Variants in ZMYND10 observed in about 807,000 individuals in gnomAD.
ZMYND10 encodes zinc finger MYND-type containing 10.
In ZMYND10, 52 loss-of-function variants were observed where a neutral mutation model predicts 62.6. The ratio of observed to expected loss-of-function variants is 0.83; its 90% CI spans 0.67 to 1.05. ZMYND10 has a LOEUF of 1.05. Ranked by LOEUF, ZMYND10 falls within the 50% of genes least tolerant of loss-of-function variation. ZMYND10 has a pLI of 0.00. For synonymous variants in ZMYND10, 197 were observed against 218.5 expected, an observed-to-expected ratio of 0.90 and a Z score of 0.87; for missense variants, 438 against 543.3, an observed-to-expected ratio of 0.81 and a Z score of 1.93.
At position 50,341,336 on chromosome 3, in the gene ZMYND10, G is replaced by A; in HGVS notation, c.*74C>T. ...GGGGCTCCGGCAGAGGCTGGACCGT[G>A]ATCTTGAGGTTCAGGGGTGCATTCT... is the stretch of plus-strand genomic sequence containing the variant. On this transcript the variant is annotated 3_prime_UTR_variant, in exon 12 of 12. Coordinates refer to ENST00000231749, the MANE Select transcript of ZMYND10 (RefSeq NM_015896.4). 1 of 1,571,674 alleles carries A rather than the reference G, an allele frequency of 6.4e-7. No homozygotes were observed. The highest frequency in any genetic ancestry group is 8.7e-7 in the Non-Finnish European group (1 of 1,149,556).
In ZMYND10 at chr3:50,341,843, G is replaced by A. The variant is rs989697941; in HGVS notation, c.1088C>T (p.Pro363Leu). Reference sequence around the variant, plus strand: ...CTGCAGCCGCAGGTCCTGCTCTGAGGGGCTGAACACATGCTGGAGCTGGTG... The same window carrying A: ...CTGCAGCCGCAGGTCCTGCTCTGAGAGGCTGAACACATGCTGGAGCTGGTG... ...AKHQLQHVFSPSEQDLRLQAR... is the reference protein window; with the variant it reads ...AKHQLQHVFSLSEQDLRLQAR... The change falls in exon 10 of 12, where the codon CCC (proline) becomes CTC (leucine). Residue 363 changes from proline (P) to leucine (L), a missense_variant. Coordinates refer to ENST00000231749, the MANE Select transcript of ZMYND10 (RefSeq NM_015896.4). 5.0e-6 allele frequency: 8 copies of A among 1,614,124 alleles called. No individual in the cohort carries two copies. Among genetic ancestry groups the A allele is most frequent in the Non-Finnish European group, 6.8e-6 (8 of 1,180,048 alleles).
chr3:50,344,073 G>C, intron 2 of ZMYND10: 1 of 550,346 alleles, frequency 1.8e-6, no homozygotes, highest in South Asian at 2.0e-5. Context: ...TATGTGACTG[G>C]CTCCTGCCCA....
Position 50,341,852 on chromosome 3 carries a change from AC to A in ZMYND10, c.1078del (p.Val360CysfsTer25), listed in dbSNP as rs1208492645. The A allele has an allele frequency of 6.2e-7, 1 of 1,613,978 alleles. No individual in the cohort carries two copies. The highest frequency in any genetic ancestry group is 1.3e-5 in the African/African-American group (1 of 74,938). On this transcript the variant is annotated frameshift_variant, in exon 10 of 12. Coordinates refer to ENST00000231749, the MANE Select transcript of ZMYND10 (RefSeq NM_015896.4). LOFTEE classifies it high-confidence loss of function. ...QAIAKHQLQH[V>X]FSPSEQDLRL... The stretch of plus-strand genomic sequence containing the variant: ...CAGGTCCTGCTCTGAGGGGCTGAAC[AC>A]ATGCTGGAGCTGGTGCTTGGCAATT...
Position 50,341,219 on chromosome 3 carries a change from G to T in ZMYND10, c.*191C>A. ...AACACACTTGGCCTACCCACTGGGTGGGGCAGGAAGTCTCGAGCCTTCACT... is the reference window on the plus strand; with the variant it reads ...AACACACTTGGCCTACCCACTGGGTTGGGCAGGAAGTCTCGAGCCTTCACT... On this transcript the variant is annotated 3_prime_UTR_variant, in exon 12 of 12. Coordinates refer to ENST00000231749, the MANE Select transcript of ZMYND10 (RefSeq NM_015896.4). 1 of 721,342 alleles carries T rather than the reference G, an allele frequency of 1.4e-6. No homozygotes were observed. Among genetic ancestry groups the T allele is most frequent in the Non-Finnish European group, 2.3e-6 (1 of 442,842 alleles). 44.7% of individuals were successfully genotyped at this position (721,342 alleles called of 1,614,324 possible).
chr3:50,343,011 G>C lies in ZMYND10; in HGVS notation c.607C>G (p.Leu203Val). 1 of 1,614,162 alleles carries C rather than the reference G, an allele frequency of 6.2e-7. No individual in the cohort carries two copies. Among genetic ancestry groups the C allele is most frequent in the Non-Finnish European group, 8.5e-7 (1 of 1,179,986 alleles). ...YITDCVDSLSLSTLSRMLSTH... is the reference protein window; with the variant it reads ...YITDCVDSLSVSTLSRMLSTH... ...CTAAGCATACGGCTCAAGGTGCTGA[G>C]AGAGAGGCTAGGGGCAGGGACGTTG... Residue 203 changes from leucine to valine, a missense_variant, in exon 7 of 12, where the codon CTC becomes GTC. Leu to Val is a conservative substitution (Grantham distance 32, BLOSUM62 1). Coordinates refer to ENST00000231749, the MANE Select transcript of ZMYND10 (RefSeq NM_015896.4).
chr3:50,341,777 C>T, intron 10 of ZMYND10, 33 bp downstream of exon 10: 1 of 1,612,166 alleles, frequency 6.2e-7, no homozygotes, highest in Non-Finnish European at 8.5e-7. Flanking sequence ...CCTGCATCCC[C>T]TCCACCCTCC....
rs746568217 is a variant in ZMYND10, at chr3:50,342,443, T to C, written c.827A>G (p.Gln276Arg). The C allele has an allele frequency of 2.5e-6, 4 of 1,609,796 alleles. No homozygotes were observed. The South Asian group carries it at 4.4e-5, about 18-fold the overall frequency. The change falls in exon 8 of 12, where the codon CAG (glutamine) becomes CGG (arginine). Residue 276 changes from glutamine (Q) to arginine (R), a missense_variant. Gln to Arg is a conservative substitution (Grantham distance 43). Coordinates refer to ENST00000231749, the MANE Select transcript of ZMYND10 (RefSeq NM_015896.4). ...AAAACTTGTGAGGCAGTAGCGCGCCTGAGCCTCAGGGCTTAGCAGCAGGTT... is the reference window on the plus strand; with the variant it reads ...AAAACTTGTGAGGCAGTAGCGCGCCCGAGCCTCAGGGCTTAGCAGCAGGTT... ...LYNLLLSPEA[Q>R]ARYCLTSFAK...
In ZMYND10 at chr3:50,343,678, C is replaced by G; in HGVS notation, c.318+56G>C. The G allele has an allele frequency of 1.9e-6, 3 of 1,613,460 alleles. No individual in the cohort carries two copies. In the South Asian group the frequency reaches 3.3e-5, roughly 18 times the overall value. On this transcript the variant is annotated intron_variant, in intron 3 of 11. Transcript: ENST00000231749. ...GATAGGGGCTACCAGCTCTCCTCCC[C>G]GGTCCAGAGCCCTCTGAAGGAGTGA...
In ZMYND10 at chr3:50,343,598, T is replaced by C. The variant is rs1414454459; in HGVS notation, c.337A>G (p.Ile113Val). ...IYMVVHHEASIINLLETVFFH... is the reference protein window; with the variant it reads ...IYMVVHHEASVINLLETVFFH... ...AACACTGTCTCCAAGAGGTTGATGATGGAGGCCTCGTGGTGCACCTGTCAG... is the reference window on the plus strand; with the variant it reads ...AACACTGTCTCCAAGAGGTTGATGACGGAGGCCTCGTGGTGCACCTGTCAG... The change falls in exon 4 of 12, where the codon ATC becomes GTC. Residue 113 changes from isoleucine to valine, a missense_variant. Physicochemically the swap from Ile to Val is conservative, Grantham distance 29. Coordinates refer to ENST00000231749, the MANE Select transcript of ZMYND10 (RefSeq NM_015896.4). The C allele has an allele frequency of 1.2e-6, 2 of 1,614,128 alleles. No individual in the cohort carries two copies. Among genetic ancestry groups the C allele is most frequent in the Non-Finnish European group, 8.5e-7 (1 of 1,180,012 alleles).
rs1357341190 is a variant in ZMYND10, at chr3:50,345,653, C to T, written c.-74G>A. 1 of 1,525,578 alleles carries T rather than the reference C, an allele frequency of 6.6e-7. No homozygotes were observed. The highest frequency in any genetic ancestry group is 1.4e-5 in the African/African-American group (1 of 72,938). The allele number at this position is 1,525,578 out of a possible 1,614,324, so 94.5% of individuals were successfully genotyped here. On this transcript the variant is annotated 5_prime_UTR_variant, in exon 1 of 12. Coordinates refer to ENST00000231749, the MANE Select transcript of ZMYND10 (RefSeq NM_015896.4). The surrounding 1 kb of genome is among the most constrained non-coding windows in gnomAD (Gnocchi z 5.0). ...GCTGTCACATTCGGGGACGACGGAC[C>T]CCGACGGTGCCAAAGTCTGGGACAG... is the stretch of plus-strand genomic sequence containing the variant.
chr3:50,345,197 T>C lies in ZMYND10; in HGVS notation c.128A>G (p.Asn43Ser). The C allele has an allele frequency of 1.2e-6, 2 of 1,614,002 alleles. No homozygotes were observed. Among genetic ancestry groups the C allele is most frequent in the Non-Finnish European group, 1.7e-6 (2 of 1,179,974 alleles). ...NQQHENLEKL[N>S]MQAILDATVS... Reference sequence around the variant, plus strand: ...TGTGGCATCGAGGATGGCTTGCATGTTCAGCTTCTCCAGGTTCTCATGCTG... The same window carrying C: ...TGTGGCATCGAGGATGGCTTGCATGCTCAGCTTCTCCAGGTTCTCATGCTG... Residue 43 changes from asparagine to serine, a missense_variant, in exon 2 of 12, where the codon AAC becomes AGC. Physicochemically the swap from Asn to Ser is conservative, Grantham distance 46. Coordinates refer to ENST00000231749, the MANE Select transcript of ZMYND10 (RefSeq NM_015896.4). The surrounding 1 kb of genome is among the most constrained non-coding windows in gnomAD (Gnocchi z 5.0).
chr3:50,345,071 G>C lies in ZMYND10; in HGVS notation c.201+53C>G. ...GCACACAGGGGACTCCGGAGGGGTA[G>C]AGTAGGTGAGGTATGGGGGAAGGCA... On this transcript the variant is annotated intron_variant, in intron 2 of 11. Transcript: ENST00000231749. This position sits in a 1 kb window ranked among gnomAD's most constrained non-coding sequence, Gnocchi z 5.0. 2 of 1,527,208 alleles carry C rather than the reference G, an allele frequency of 1.3e-6. No individual in the cohort carries two copies. Among genetic ancestry groups the C allele is most frequent in the Non-Finnish European group, 1.8e-6 (2 of 1,108,102 alleles). The allele number at this position is 1,527,208 out of a possible 1,614,324, so 94.6% of individuals were successfully genotyped here. A position where few individuals can be genotyped will look rare whatever the true frequency, so the allele number is the denominator to read the frequency against.
chr3:50,342,620 T>A (rs376093452), intron 7 of ZMYND10, 51 bp from the exon 8 acceptor site: 6 of 1,575,718 alleles, frequency 3.8e-6, no homozygotes, highest in Non-Finnish European at 4.3e-6. Context: ...TCTCTTCAAG[T>A]GAGCCAGCTG....
At position 50,343,146 on chromosome 3, in the gene ZMYND10, G is replaced by A; in HGVS notation, c.571C>T (p.Leu191=). 1 of 1,614,254 alleles carries A rather than the reference G, an allele frequency of 6.2e-7. No individual in the cohort carries two copies. Among genetic ancestry groups the A allele is most frequent in the Non-Finnish European group, 8.5e-7 (1 of 1,180,038 alleles). Residue 191 remains leucine (L), a synonymous_variant, in exon 6 of 12, where the codon CTA becomes TTA. Transcript: ENST00000231749. ...TCCACACAGTCTGTGATGTAGCGTA[G>A]TACTGAGAGGGCCTTCAGTGCAATC... The part of the protein sequence containing the change: ...FEIALKALSV[L]RYITDCVDSL...
rs756781258 is a variant in ZMYND10, at chr3:50,341,591, A to G, written c.1230T>C (p.Asn410=). 1 of 1,614,256 alleles carries G rather than the reference A, an allele frequency of 6.2e-7. No homozygotes were observed. The highest frequency in any genetic ancestry group is 8.5e-7 in the Non-Finnish European group (1 of 1,180,040). Residue 410 remains asparagine (N), a synonymous_variant, in exon 11 of 12, where the codon AAT becomes AAC. Coordinates refer to ENST00000231749, the MANE Select transcript of ZMYND10 (RefSeq NM_015896.4). ...ACCCTCACCTGCAGCAATACCACTCATTCTGGCATCGTGAGCAGCGCTTAG... is the reference window on the plus strand; with the variant it reads ...ACCCTCACCTGCAGCAATACCACTCGTTCTGGCATCGTGAGCAGCGCTTAG... ...EASKRCSRCQ[N]EWYCCRECQV...
chr3:50,345,566 T>A lies in ZMYND10; in HGVS notation c.14A>T (p.Glu5Val). 3 of 1,603,098 alleles carry A rather than the reference T, an allele frequency of 1.9e-6. No individual in the cohort carries two copies. The highest frequency in any genetic ancestry group is 2.6e-6 in the Non-Finnish European group (3 of 1,175,414). ...TTCAGCTTCCCCGGGCAGCAGCAGTTCCAGGTCTCCCATATCGAGGCCGGG... is the reference window on the plus strand; with the variant it reads ...TTCAGCTTCCCCGGGCAGCAGCAGTACCAGGTCTCCCATATCGAGGCCGGG... MGDL[E>V]LLLPGEAEVL... Residue 5 changes from glutamate to valine, a missense_variant, in exon 1 of 12, where the codon GAA (glutamate) becomes GTA (valine). Coordinates refer to ENST00000231749, the MANE Select transcript of ZMYND10 (RefSeq NM_015896.4). The surrounding 1 kb of genome is among the most constrained non-coding windows in gnomAD (Gnocchi z 5.0).
chr3:50,341,351 G>T lies in ZMYND10; in HGVS notation c.*59C>A. Reference sequence around the variant, plus strand: ...GCTGGACCGTGATCTTGAGGTTCAGGGGTGCATTCTGGGTGGATTCCCTTG... The same window carrying T: ...GCTGGACCGTGATCTTGAGGTTCAGTGGTGCATTCTGGGTGGATTCCCTTG... On this transcript the variant is annotated 3_prime_UTR_variant, in exon 12 of 12. Coordinates refer to ENST00000231749, the MANE Select transcript of ZMYND10 (RefSeq NM_015896.4). The T allele has an allele frequency of 6.3e-7, 1 of 1,595,200 alleles. No homozygotes were observed. Among genetic ancestry groups the T allele is most frequent in the East Asian group, 2.2e-5 (1 of 44,768 alleles).
chr3:50,341,852 A>G lies in ZMYND10; in HGVS notation c.1079T>C (p.Val360Ala). The G allele has an allele frequency of 1.9e-6, 3 of 1,614,096 alleles. No homozygotes were observed. Among genetic ancestry groups the G allele is most frequent in the Middle Eastern group, 1.6e-4 (1 of 6,062 alleles). ...CAGGTCCTGCTCTGAGGGGCTGAAC[A>G]CATGCTGGAGCTGGTGCTTGGCAAT... ...QAIAKHQLQHVFSPSEQDLRL... is the reference protein window; with the variant it reads ...QAIAKHQLQHAFSPSEQDLRL... Residue 360 changes from valine to alanine, a missense_variant, in exon 10 of 12, where the codon GTG becomes GCG. By Grantham distance (64) the Val-to-Ala change is moderately conservative (BLOSUM62 0). Coordinates refer to ENST00000231749, the MANE Select transcript of ZMYND10 (RefSeq NM_015896.4).
chr3:50,342,569 C>T lies in ZMYND10; in HGVS notation c.701G>A (p.Gly234Asp). 6.2e-7 allele frequency: 1 copy of T among 1,611,046 alleles called. No homozygotes were observed. Among genetic ancestry groups the T allele is most frequent in the Non-Finnish European group, 8.5e-7 (1 of 1,177,848 alleles). ...EHSPWSRREG[G>D]KLQQFEGSRW... The stretch of plus-strand genomic sequence containing the variant: ...GCTGCCCTCGAACTGCTGCAGCTTG[C>T]CTGGGGAGAGGAACCAGCACACTGG... Residue 234 changes from glycine to aspartate, a missense_variant and splice_region_variant, in exon 8 of 12, where the codon GGC becomes GAC. By Grantham distance (94) the Gly-to-Asp change is moderately conservative. Transcript: ENST00000231749.
Sources: allele counts gnomAD v4.1 joint callset, GRCh38; gene constraint gnomAD v4.1.1; non-coding constraint Gnocchi (gnomAD v3.1); transcripts MANE v1.5; gene names NCBI Gene and HGNC (gene_info 2026-07-23, HGNC 2026-07-21).